The following GPRC5B variants were observed in gnomAD, a reference collection of about 807,000 sequenced individuals.
GPRC5B encodes G protein-coupled receptor class C group 5 member B.
GPRC5B carries 16 observed loss-of-function variants against 30.1 expected under a neutral mutation model. The ratio of observed to expected loss-of-function variants is 0.53; its 90% confidence interval spans 0.36 to 0.81. The LOEUF is 0.81. Among genes scored for constraint, GPRC5B ranks in the 30% least tolerant of loss-of-function variants. GPRC5B has a pLI of 0.01. For synonymous variants in GPRC5B, 241 were observed against 239.5 expected, an observed-to-expected ratio of 1.01 and a Z score of -0.06; for missense variants, 428 against 544.7, an observed-to-expected ratio of 0.79 and a Z score of 2.13.
Position 19,861,733 on chromosome 16 carries a change from G to T in GPRC5B, c.1167+104C>A, listed in dbSNP as rs1210493930. 5.4e-6 allele frequency: 5 copies of T among 926,690 alleles called. No homozygotes were observed. In the East Asian group the frequency reaches 7.4e-5, roughly 14 times the overall value. The allele number at this position is 926,690 out of a possible 1,614,324, so 57.4% of individuals were successfully genotyped here. ...GTTTGAGCTGTGGCGGTCCTTGCAGGCCACATGGGCAGCCTCCATGGAGGA... is the reference window on the plus strand; with the variant it reads ...GTTTGAGCTGTGGCGGTCCTTGCAGTCCACATGGGCAGCCTCCATGGAGGA... On this transcript the variant is annotated intron_variant, in intron 3 of 3. Coordinates refer to ENST00000300571, the MANE Select transcript of GPRC5B (RefSeq NM_016235.3).
chr16:19,862,077 A>G, intron 2 of GPRC5B, 104 bp from the exon 3 acceptor site: 1 of 957,428 alleles, frequency 1.0e-6, no homozygotes, highest in South Asian at 1.5e-5. Context: ...CCATCCACCC[A>G]ACCCAGTGGC....
chr16:19,871,378 T>C (rs545215906), intron 2 of GPRC5B, among the ~76,000 whole-genome samples: 13 of 151,620 alleles, frequency 8.6e-5, no homozygotes, highest in African/African-American at 1.2e-4. Flanking sequence ...TCCCAGCACT[T>C]TGGGAGGCCG....
In GPRC5B at chr16:19,860,254, G is replaced by A. The variant is rs1030890721; in HGVS notation, c.*246C>T. The stretch of plus-strand genomic sequence containing the variant: ...TGCAATTAGCTTTGCTTTAGTTTGC[G>A]GGGATTGAGGTTGGTCTGGTATTAC... On this transcript the variant is annotated 3_prime_UTR_variant, in exon 4 of 4. Coordinates refer to ENST00000300571, the MANE Select transcript of GPRC5B (RefSeq NM_016235.3). 19 of 490,356 alleles carry A rather than the reference G, an allele frequency of 3.9e-5. No homozygotes were observed. The highest frequency in any genetic ancestry group is 1.2e-4 in the African/African-American group (6 of 50,770). The allele number at this position is 490,356 out of a possible 1,614,324, so 30.4% of individuals were successfully genotyped here.
At chr16:19,884,429 C>T (rs1400973488) in intron 1 of GPRC5B, among the ~76,000 whole-genome samples, 5 of 151,370 alleles carry the variant, frequency 3.3e-5, no homozygotes, top group African/African-American at 1.2e-4. Flanking sequence ...TGGTCGCCCC[C>T]ACACCCTCCT....
intron 1 of GPRC5B, among the ~76,000 whole-genome samples, chr16:19,875,906 G>A (rs2056756322): frequency 6.6e-6 from 1 of 152,206 alleles, no homozygotes. Context: ...CTTGTCACGA[G>A]GTACTAAAGC....
chr16:19,872,788 G>C lies in GPRC5B; in HGVS notation c.58C>G (p.Leu20Val), dbSNP rs780204437. 3.1e-6 allele frequency: 5 copies of C among 1,613,654 alleles called. No individual in the cohort carries two copies. Among genetic ancestry groups the C allele is most frequent in the Middle Eastern group, 1.6e-4 (1 of 6,084 alleles). Reference sequence around the variant, plus strand: ...GAGGCCACCGAGGTGATCACGAAGAGCAGGAGGAAGGTGAGCACCTGGTGA... The same window carrying C: ...GAGGCCACCGAGGTGATCACGAAGACCAGGAGGAAGGTGAGCACCTGGTGA... ...RAHQVLTFLLLFVITSVASEN... is the reference protein window; with the variant it reads ...RAHQVLTFLLVFVITSVASEN... The change falls in exon 2 of 4, where the codon CTC becomes GTC. Residue 20 changes from leucine to valine, a missense_variant. Physicochemically the swap from Leu to Val is conservative, Grantham distance 32. Around this residue, in one of 3 missense-constraint regions of GPRC5B, gnomAD observed 196 missense variants for 272.6 expected, o/e 0.72. Coordinates refer to ENST00000300571, the MANE Select transcript of GPRC5B (RefSeq NM_016235.3). The surrounding 1 kb of genome is among the most constrained non-coding windows in gnomAD (Gnocchi z 5.0).
chr16:19,860,656 G>C (rs2056613751), intron 3 of GPRC5B, 112 bp from the exon 4 acceptor site: 2 of 678,402 alleles, frequency 2.9e-6, no homozygotes, highest in East Asian at 2.8e-5. Context: ...CTTTTACCTA[G>C]ATGGGTCGAA....
At chr16:19,882,951 C>T (rs2056818385) in intron 1 of GPRC5B, among the ~76,000 whole-genome samples, 1 of 152,182 alleles carries the variant, frequency 6.6e-6, no homozygotes, top group African/African-American at 2.4e-5. Context: ...CGGAGGGCCC[C>T]TCTTCTAGCT....
rs1386278882 is a variant in GPRC5B, at chr16:19,858,122, G to C, written c.*2378C>G. On this transcript the variant is annotated 3_prime_UTR_variant, in exon 4 of 4. Coordinates refer to ENST00000300571, the MANE Select transcript of GPRC5B (RefSeq NM_016235.3). ...ATTTTGTCTTTAAACCTTGCTCCAC[G>C]GGGGGCAGCTGGCTGCTACAGTCTC... The C allele has an allele frequency of 1.6e-5, 3 of 185,594 alleles. No homozygotes were observed. Among genetic ancestry groups the C allele is most frequent in the African/African-American group, 7.0e-5 (3 of 42,802 alleles). The allele number at this position is 185,594 out of a possible 1,614,324, so 11.5% of individuals were successfully genotyped here. A position where few individuals can be genotyped will look rare whatever the true frequency, so the allele number is the denominator to read the frequency against.
intron 2 of GPRC5B, among the ~76,000 whole-genome samples, chr16:19,865,622 T>C (rs1487984812): frequency 2.0e-5 from 3 of 152,194 alleles, no homozygotes; most frequent in Non-Finnish European, 1.5e-5. Flanking sequence ...AACCCACATT[T>C]AGAAAAATTT....
chr16:19,858,795 G>T lies in GPRC5B; in HGVS notation c.*1705C>A, dbSNP rs573421329. ...CGGGGTGCTTCCGGGGAGGTCAGGTGGGGGTGGCATTCTGGGGCCATGCGT... is the reference window on the plus strand; with the variant it reads ...CGGGGTGCTTCCGGGGAGGTCAGGTTGGGGTGGCATTCTGGGGCCATGCGT... On this transcript the variant is annotated 3_prime_UTR_variant, in exon 4 of 4. Transcript: ENST00000300571. 2 of 379,398 alleles carry T rather than the reference G, an allele frequency of 5.3e-6. No homozygotes were observed. Among genetic ancestry groups the T allele is most frequent in the African/African-American group, 2.1e-5 (1 of 48,318 alleles). The allele number at this position is 379,398 out of a possible 1,614,324, so 23.5% of individuals were successfully genotyped here. A position where few individuals can be genotyped will look rare whatever the true frequency, so the allele number is the denominator to read the frequency against.
chr16:19,879,823 T>C (rs2056790118), intron 1 of GPRC5B, among the ~76,000 whole-genome samples: 1 of 152,092 alleles, frequency 6.6e-6, no homozygotes, highest in African/African-American at 2.4e-5. Flanking sequence ...AAGCACTTTA[T>C]ATAAGGTGTC....
At position 19,856,799 on chromosome 16, in the gene GPRC5B, G is replaced by A. The variant is rs967182328; in HGVS notation, c.*3701C>T. 2.2e-6 allele frequency: 1 copy of A among 464,084 alleles called. No homozygotes were observed. The highest frequency in any genetic ancestry group is 3.8e-6 in the Non-Finnish European group (1 of 260,860). The allele number at this position is 464,084 out of a possible 1,614,324, so 28.7% of individuals were successfully genotyped here. A position where few individuals can be genotyped will look rare whatever the true frequency, so the allele number is the denominator to read the frequency against. On this transcript the variant is annotated 3_prime_UTR_variant, in exon 4 of 4. Transcript: ENST00000300571. ...CATTCATCCAGATTACTTCTTCAGT[G>A]CCTCAGGAGTATTCTTCTACACCAG...
intron 2 of GPRC5B, among the ~76,000 whole-genome samples, chr16:19,870,566 G>C (rs1375899607): frequency 6.6e-6 from 1 of 152,204 alleles, no homozygotes; most frequent in Non-Finnish European, 1.5e-5. Context: ...AAATTTGAAC[G>C]CAGACATCTG....
intron 1 of GPRC5B, among the ~76,000 whole-genome samples, chr16:19,873,484 A>G (rs1191430908): frequency 6.6e-6 from 1 of 151,026 alleles, no homozygotes; most frequent in African/African-American, 2.4e-5. Flanking sequence ...AAAAAAAACC[A>G]AAGAAAGAAA....
intron 2 of GPRC5B, among the ~76,000 whole-genome samples, chr16:19,866,559 A>G (rs2056668775): frequency 1.3e-5 from 2 of 151,676 alleles, no homozygotes; most frequent in South Asian, 4.2e-4. Flanking sequence ...TTGTATTTTT[A>G]GTAGAGACAG....
At position 19,860,006 on chromosome 16, in the gene GPRC5B, C is replaced by T. The variant is rs139556727; in HGVS notation, c.*494G>A. On this transcript the variant is annotated 3_prime_UTR_variant, in exon 4 of 4. Coordinates refer to ENST00000300571, the MANE Select transcript of GPRC5B (RefSeq NM_016235.3). ...TGACCCCCCTGAAATGTGCAAACCACCAGGCAAGCCGGTGGCAAAGTCCCC... is the reference window on the plus strand; with the variant it reads ...TGACCCCCCTGAAATGTGCAAACCATCAGGCAAGCCGGTGGCAAAGTCCCC... 2 of 155,708 alleles carry T rather than the reference C, an allele frequency of 1.3e-5. No individual in the cohort carries two copies. Among genetic ancestry groups the T allele is most frequent in the Admixed American group, 6.5e-5 (1 of 15,380 alleles). The allele number at this position is 155,708 out of a possible 1,614,324, so 9.6% of individuals were successfully genotyped here.
intron 2 of GPRC5B, among the ~76,000 whole-genome samples, chr16:19,869,333 C>CAAA (rs35252104): frequency 2.6e-4 from 16 of 61,970 alleles, no homozygotes; most frequent in African/African-American, 7.3e-4. Flanking sequence ...GACTCTGCCT[C>CAAA]AAAAAAAAAA....
intron 1 of GPRC5B, among the ~76,000 whole-genome samples, chr16:19,880,462 T>TAAAATAAAATAAAATAAAATAAA (rs1364403590): frequency 1.3e-5 from 2 of 149,538 alleles, no homozygotes; most frequent in African/African-American, 4.9e-5. Flanking sequence ...TAAAATAAAA[T>TAAAATAAAATAAAATAAAATAAA]AAGAAAAGAA....
Sources: allele counts gnomAD v4.1 joint callset (sites outside exome capture counted in the v4.1 genomes callset), GRCh38; gene constraint gnomAD v4.1.1; regional missense constraint gnomAD v4.1.1; non-coding constraint Gnocchi (gnomAD v3.1); transcripts MANE v1.5; gene names NCBI Gene and HGNC (gene_info 2026-07-23, HGNC 2026-07-21).